The following ADCY9 variants were observed in gnomAD, a reference collection of about 807,000 sequenced individuals.
ADCY9 encodes adenylate cyclase type 9.
Under a neutral mutation model 101.5 loss-of-function variants are expected in ADCY9, and 50 were observed. The observed-to-expected ratio is 0.49, with a 90% confidence interval of 0.39 to 0.62. The LOEUF (loss-of-function observed/expected upper bound fraction) is 0.62, where lower values mean the gene tolerates loss of function less well. Ranked by LOEUF, ADCY9 falls within the 20% of genes least tolerant of loss-of-function variation. The probability of loss-of-function intolerance (pLI) is 0.00; values close to 1 mark genes in which losing one functional copy is unlikely to be tolerated. For missense variants in ADCY9, 1,662 were observed against 1,800.4 expected, an observed-to-expected ratio of 0.92 and a Z score of 1.39; for synonymous variants, 905 against 769.3, an observed-to-expected ratio of 1.18 and a Z score of -2.92.
At chr16:4,053,786 CAA>C (rs2141152205) in intron 2 of ADCY9, among the ~76,000 whole-genome samples, 1 of 152,234 alleles carries the variant, frequency 6.6e-6, no homozygotes, top group African/African-American at 2.4e-5. Flanking sequence ...ATGCCAACTT[CAA>C]AAGTTATTTG....
intron 10 of ADCY9, among the ~76,000 whole-genome samples, chr16:3,969,583 T>TATATATATATAA (rs2056030737): frequency 1.3e-5 from 1 of 75,546 alleles, no homozygotes; most frequent in Admixed American, 1.4e-4. Flanking sequence ...TATATATATA[T>TATATATATATAA]ATATATATAT....
At chr16:3,989,830 C>A (rs2056229888) in intron 5 of ADCY9, among the ~76,000 whole-genome samples, 1 of 152,198 alleles carries the variant, frequency 6.6e-6, no homozygotes, top group African/African-American at 2.4e-5. Flanking sequence ...TAATTCAGAA[C>A]CGGCGGTCCT....
At chr16:4,000,645 C>A (rs2056323100) in intron 3 of ADCY9, among the ~76,000 whole-genome samples, 1 of 152,214 alleles carries the variant, frequency 6.6e-6, no homozygotes, top group South Asian at 2.1e-4. Flanking sequence ...CATGAACACA[C>A]ACGTGTAAAA....
At chr16:4,111,650 C>T (rs937747724) in intron 2 of ADCY9, among the ~76,000 whole-genome samples, 3 of 152,052 alleles carry the variant, frequency 2.0e-5, no homozygotes, top group East Asian at 1.9e-4. Context: ...AAAACAAAAT[C>T]GTGGTCTCAG....
chr16:4,084,593 G>C (rs780353296), intron 2 of ADCY9, among the ~76,000 whole-genome samples: 9 of 152,024 alleles, frequency 5.9e-5, no homozygotes, highest in Non-Finnish European at 1.3e-4. Context: ...AAATTAGGTG[G>C]TGCACACCTC....
chr16:4,087,668 G>A (rs1048956431), intron 2 of ADCY9, among the ~76,000 whole-genome samples: 2 of 151,738 alleles, frequency 1.3e-5, no homozygotes, highest in East Asian at 3.9e-4. Context: ...GGATGTGCTG[G>A]ATCAAATCAG....
chr16:4,003,117 G>A (rs1247388216), intron 3 of ADCY9, among the ~76,000 whole-genome samples: 2 of 152,080 alleles, frequency 1.3e-5, no homozygotes, highest in African/African-American at 4.8e-5. Context: ...AAAATGGAAA[G>A]CAAATGCCTG....
chr16:4,084,464 A>G (rs1276256921), intron 2 of ADCY9, among the ~76,000 whole-genome samples: 4 of 151,976 alleles, frequency 2.6e-5, no homozygotes, highest in African/African-American at 9.7e-5. Flanking sequence ...GGTGGCTCAC[A>G]CCTGTAATCT....
At chr16:4,003,725 T>C (rs1474715392) in intron 3 of ADCY9, among the ~76,000 whole-genome samples, 1 of 152,100 alleles carries the variant, frequency 6.6e-6, no homozygotes, top group African/African-American at 2.4e-5. Flanking sequence ...CCACTGCACC[T>C]GGCTGCAGTT....
At chr16:4,004,216 T>C (rs1424090605) in intron 3 of ADCY9, among the ~76,000 whole-genome samples, 1 of 141,128 alleles carries the variant, frequency 7.1e-6, no homozygotes, top group African/African-American at 2.7e-5. Flanking sequence ...CCACTGGTAC[T>C]CTAGCCTGGG....
chr16:4,044,656 G>A (rs1324771931), intron 2 of ADCY9, among the ~76,000 whole-genome samples: 1 of 152,152 alleles, frequency 6.6e-6, no homozygotes, highest in Non-Finnish European at 1.5e-5. Context: ...TATCTCTGGA[G>A]CTTCATAGAT....
At position 4,057,153 on chromosome 16, in the gene ADCY9, G is replaced by C. The variant is rs1455503109; in HGVS notation, c.1694-49595C>G. 2.0e-5 allele frequency among the ~76,000 whole-genome samples: 3 copies of C among 149,838 alleles called. No individual in the cohort carries two copies. In the East Asian group the frequency reaches 5.9e-4, roughly 30 times the overall value. On this transcript the variant is annotated intron_variant, in intron 2 of 10. Transcript: ENST00000294016. Reference sequence around the variant, plus strand: ...AAAATCTACAATTGTTTAGGTTTTTGTTTAAAGAGAAGCGTCTGGTTCTGT... The same window carrying C: ...AAAATCTACAATTGTTTAGGTTTTTCTTTAAAGAGAAGCGTCTGGTTCTGT...
At chr16:3,960,707 C>T (rs771306643), downstream of ADCY9, among the ~76,000 whole-genome samples, 14 of 152,072 alleles carry the variant, frequency 9.2e-5, no homozygotes, top group Non-Finnish European at 1.9e-4. Flanking sequence ...AACAGGCACG[C>T]GGATTACTTA....
downstream of ADCY9, among the ~76,000 whole-genome samples, chr16:3,960,901 G>A (rs138135838): frequency 2.6e-5 from 4 of 152,232 alleles, no homozygotes; most frequent in African/African-American, 9.6e-5. Flanking sequence ...TTGCGTGCAA[G>A]TGTGTACTTT....
intron 2 of ADCY9, among the ~76,000 whole-genome samples, 195 bp downstream of exon 2, chr16:4,113,555 C>T (rs921506618): frequency 6.6e-6 from 1 of 152,162 alleles, no homozygotes; most frequent in African/African-American, 2.4e-5. Context: ...CACAGCGTCC[C>T]TTTCTGCAGT....
chr16:4,094,434 G>A (rs566346440), intron 2 of ADCY9, among the ~76,000 whole-genome samples: 3 of 152,262 alleles, frequency 2.0e-5, no homozygotes, highest in Non-Finnish European at 4.4e-5. Context: ...AATGTCATGT[G>A]GCTTTCCAGC....
chr16:4,110,718 T>C (rs570802006), intron 2 of ADCY9, among the ~76,000 whole-genome samples: 5 of 152,230 alleles, frequency 3.3e-5, no homozygotes, highest in African/African-American at 9.6e-5. Flanking sequence ...TAATTTCCTG[T>C]AGAGTAAAGG....
chr16:4,098,700 A>G (rs1260249078), intron 2 of ADCY9, among the ~76,000 whole-genome samples: 4 of 152,002 alleles, frequency 2.6e-5, no homozygotes, highest in African/African-American at 7.3e-5. Context: ...TATAAACAAA[A>G]TAAGTCAAAT....
rs80123870 is a variant in ADCY9 at position 4,033,002 on chromosome 16, T to A, written c.1694-25444A>T. ...CCCGCCCCACCACGTGGCAACCCAA[T>A]CACAACAATGCCGCCGTCCCCCAGC... On this transcript the variant is annotated intron_variant, in intron 2 of 10. Coordinates refer to ENST00000294016, the MANE Select transcript of ADCY9 (RefSeq NM_001116.4). 7.9e-3 allele frequency: 1,205 copies of A among 152,236 alleles called. 11 individuals are homozygous for A. Among genetic ancestry groups the A allele is most frequent in the Non-Finnish European group, 0.012 (842 of 68,018 alleles). 9.4% of individuals were successfully genotyped at this position (152,236 alleles called of 1,614,324 possible). A position where few individuals can be genotyped will look rare whatever the true frequency, so the allele number is the denominator to read the frequency against.
Sources: allele counts gnomAD v4.1 joint callset (sites outside exome capture counted in the v4.1 genomes callset), GRCh38; gene constraint gnomAD v4.1.1; transcripts MANE v1.5; gene names NCBI Gene and HGNC (gene_info 2026-07-23, HGNC 2026-07-21).